AK5: variants seen among roughly 807,000 people sequenced by gnomAD.
AK5 encodes the protein adenylate kinase isoenzyme 5.
Under a neutral mutation model 69.5 loss-of-function variants are expected in AK5, and 27 were observed. That is an observed-to-expected ratio of 0.39 (90% CI 0.29 to 0.54). The LOEUF is 0.54. AK5 is among the 20% of genes least tolerant of loss of function. The pLI, the probability that AK5 is intolerant of heterozygous loss-of-function variation, is 0.71. For missense variants in AK5, 531 were observed against 700.4 expected, an observed-to-expected ratio of 0.76 and a Z score of 2.73; for synonymous variants, 260 against 244.4, an observed-to-expected ratio of 1.06 and a Z score of -0.60.
At chr1:77,359,131 T>G (rs1416492909) in intron 6 of AK5, among the ~76,000 whole-genome samples, 1 of 151,826 alleles carries the variant, frequency 6.6e-6, no homozygotes, top group Non-Finnish European at 1.5e-5. Context: ...GGTGGGTGCC[T>G]GTAGTCCCAG....
chr1:77,417,755 T>A, intron 8 of AK5, 40 bp downstream of exon 8: 1 of 1,285,964 alleles, frequency 7.8e-7, no homozygotes, highest in Non-Finnish European at 1.1e-6. Flanking sequence ...TTAAATGTTT[T>A]TAAGTTGAAC....
At chr1:77,456,921 T>TAAAAA (rs35087048) in intron 8 of AK5, among the ~76,000 whole-genome samples, 48 of 143,858 alleles carry the variant, frequency 3.3e-4, no homozygotes, top group African/African-American at 1.2e-3. Context: ...GTAGTTTCCT[T>TAAAAA]AAAAAAAAAA....
intron 8 of AK5, among the ~76,000 whole-genome samples, chr1:77,435,743 TAC>T (rs1413917810): frequency 6.6e-6 from 1 of 152,134 alleles, no homozygotes; most frequent in Non-Finnish European, 1.5e-5. Flanking sequence ...AGCAGATTAG[TAC>T]TTCAAGAAAA....
intron 8 of AK5, among the ~76,000 whole-genome samples, chr1:77,463,696 C>T (rs1026988346): frequency 1.6e-4 from 24 of 152,190 alleles, no homozygotes; most frequent in African/African-American, 3.4e-4. Context: ...GAATTTCCCT[C>T]CGTTGTGTGT....
chr1:77,514,946 A>C (rs886419093), intron 10 of AK5, among the ~76,000 whole-genome samples: 1 of 152,216 alleles, frequency 6.6e-6, no homozygotes, highest in Non-Finnish European at 1.5e-5. Flanking sequence ...TGGCCTTTTC[A>C]GGAGCTCAGC....
chr1:77,504,974 T>C (rs1437367073), intron 10 of AK5, among the ~76,000 whole-genome samples: 2 of 152,234 alleles, frequency 1.3e-5, no homozygotes, highest in African/African-American at 4.8e-5. Flanking sequence ...AATGAATATC[T>C]GTGTCCTAAA....
chr1:77,557,667 C>T (rs935914810), intron 13 of AK5, among the ~76,000 whole-genome samples: 2 of 152,116 alleles, frequency 1.3e-5, no homozygotes, highest in African/African-American at 4.8e-5. Flanking sequence ...TCCCTCATCC[C>T]TCAATCTCTC....
chr1:77,436,156 G>C (rs1651946780), intron 8 of AK5, among the ~76,000 whole-genome samples: 1 of 152,056 alleles, frequency 6.6e-6, no homozygotes, highest in Non-Finnish European at 1.5e-5. Context: ...CCTACTTACT[G>C]GTTCCTTTCT....
At chr1:77,343,496 G>A (rs1256291474) in intron 6 of AK5, among the ~76,000 whole-genome samples, 4 of 152,172 alleles carry the variant, frequency 2.6e-5, no homozygotes, top group Non-Finnish European at 4.4e-5. Flanking sequence ...TGGGTGAAAT[G>A]AGAGAATATG....
intron 6 of AK5, among the ~76,000 whole-genome samples, chr1:77,390,077 AG>A (rs1465335415): frequency 1.3e-5 from 2 of 152,222 alleles, no homozygotes; most frequent in Non-Finnish European, 2.9e-5. Context: ...TGGACATTCA[AG>A]GTCTATTTTA....
intron 8 of AK5, among the ~76,000 whole-genome samples, chr1:77,419,686 A>T (rs145242679): frequency 1.3e-5 from 2 of 149,060 alleles, no homozygotes; most frequent in African/African-American, 4.9e-5. Flanking sequence ...AATATGAGAA[A>T]GAACTTAGGA....
intron 10 of AK5, among the ~76,000 whole-genome samples, chr1:77,494,500 C>A (rs1656179519): frequency 6.6e-6 from 1 of 152,134 alleles, no homozygotes; most frequent in Non-Finnish European, 1.5e-5. Flanking sequence ...TACCCTTGGG[C>A]CAACCCCTTA....
intron 11 of AK5, among the ~76,000 whole-genome samples, chr1:77,520,600 CAT>C (rs894958745): frequency 1.3e-4 from 20 of 152,114 alleles, no homozygotes; most frequent in African/African-American, 3.9e-4. Context: ...CATACAGTCA[CAT>C]AGTTTGGTCC....
chr1:77,374,328 T>C (rs1421412393), intron 6 of AK5, among the ~76,000 whole-genome samples: 2 of 152,154 alleles, frequency 1.3e-5, no homozygotes, highest in African/African-American at 4.8e-5. Context: ...CTCCAAGTAG[T>C]TATCATGAAA....
intron 8 of AK5, among the ~76,000 whole-genome samples, chr1:77,455,236 T>TC (rs1653403943): frequency 6.6e-6 from 1 of 152,196 alleles, no homozygotes. Context: ...ATGATTGTTT[T>TC]CCCCCACAAT....
intron 5 of AK5, among the ~76,000 whole-genome samples, chr1:77,317,851 A>G (rs967094671): frequency 3.3e-5 from 5 of 152,348 alleles, no homozygotes; most frequent in Middle Eastern, 3.4e-3. Context: ...GAATTACTGA[A>G]TTAGAATTTC....
At chr1:77,528,638 T>C (rs1318399436) in intron 12 of AK5, among the ~76,000 whole-genome samples, 2 of 152,228 alleles carry the variant, frequency 1.3e-5, no homozygotes, top group African/African-American at 4.8e-5. Flanking sequence ...TTACAACCTA[T>C]ACCTTCAGTT....
intron 6 of AK5, among the ~76,000 whole-genome samples, chr1:77,394,004 C>T (rs1030727952): frequency 5.9e-5 from 9 of 152,076 alleles, no homozygotes; most frequent in Non-Finnish European, 1.3e-4. Flanking sequence ...CACTTGAAGT[C>T]AGGAGTTCGA....
intron 6 of AK5, among the ~76,000 whole-genome samples, chr1:77,342,483 C>T (rs939557039): frequency 6.6e-6 from 1 of 152,142 alleles, no homozygotes; most frequent in Admixed American, 6.5e-5. Flanking sequence ...GGATGACAGC[C>T]TGTAACCTCA....
Sources: gnomAD v4.1 joint callset for allele counts (sites outside exome capture counted in the v4.1 genomes callset) on GRCh38, gnomAD v4.1.1 for gene constraint, MANE v1.5 for transcripts, NCBI Gene and HGNC (gene_info 2026-07-23, HGNC 2026-07-21) for gene names.